Variants in CCDC30 observed in about 807,000 individuals in gnomAD.
CCDC30 encodes coiled-coil domain-containing protein 30.
CCDC30 carries 70 observed loss-of-function variants against 100.2 expected under a neutral mutation model. The ratio of observed to expected loss-of-function variants is 0.70; its 90% CI spans 0.58 to 0.85. The LOEUF (loss-of-function observed/expected upper bound fraction) is 0.85, where lower values mean the gene tolerates loss of function less well. CCDC30 is among the 40% of genes least tolerant of loss of function. The probability of loss-of-function intolerance (pLI) is 0.00; values close to 1 mark genes in which losing one functional copy is unlikely to be tolerated. For synonymous variants in CCDC30, 233 were observed against 269.5 expected (o/e 0.86, Z 1.33); for missense variants, 652 against 771.2 (o/e 0.85, Z 1.83).
In CCDC30 at chr1:42,556,321, G is replaced by T. The variant is rs748255703; in HGVS notation, c.457-9975G>T. On this transcript the variant is annotated intron_variant, in intron 6 of 16. Transcript: ENST00000668663. Reference sequence around the variant, plus strand: ...CCATGAAGCCTGAGGAAATTGTGAGGCTTAGAGAAGAGCTGAGCCATATAA... The same window carrying T: ...CCATGAAGCCTGAGGAAATTGTGAGTCTTAGAGAAGAGCTGAGCCATATAA... The T allele has an allele frequency of 5.0e-6, 8 of 1,613,916 alleles. No homozygotes were observed. The highest frequency in any genetic ancestry group is 1.6e-4 in the Middle Eastern group (1 of 6,084).
chr1:42,547,825 G>A (rs1399026356), intron 6 of CCDC30, among the ~76,000 whole-genome samples: 4 of 152,132 alleles, frequency 2.6e-5, no homozygotes, highest in Non-Finnish European at 4.4e-5. Flanking sequence ...GCACTGTAGG[G>A]AGGTACCGAA....
At chr1:42,461,657 C>T (rs916909951), upstream of CCDC30, among the ~76,000 whole-genome samples, 2 of 151,966 alleles carry the variant, frequency 1.3e-5, no homozygotes, top group East Asian at 1.9e-4. Flanking sequence ...CACCATTCTC[C>T]TTCCTCAGCC....
At chr1:42,646,681 T>C (rs1647910272) in intron 15 of CCDC30, among the ~76,000 whole-genome samples, 1 of 152,172 alleles carries the variant, frequency 6.6e-6, no homozygotes, top group African/African-American at 2.4e-5. Context: ...CAGCCTTCCC[T>C]CACTGCCAGG....
chr1:42,493,038 C>T (rs1007665341), intron 4 of CCDC30, among the ~76,000 whole-genome samples: 4 of 152,026 alleles, frequency 2.6e-5, no homozygotes, highest in Admixed American at 1.3e-4. Context: ...GAAAATGCAA[C>T]AATATCATCA....
chr1:42,576,561 T>C (rs1645841488), intron 7 of CCDC30, among the ~76,000 whole-genome samples: 1 of 152,220 alleles, frequency 6.6e-6, no homozygotes, highest in Non-Finnish European at 1.5e-5. Flanking sequence ...AAGTGTCCAA[T>C]AATACTCACA....
rs1169299129 is a variant in CCDC30 at position 42,581,804 on chromosome 1, C to G, written c.1001+290C>G. ...CAGTAAATATTCTTGACTGACTTGC[C>G]TATGAAATACTATGGAATTTGCTCT... On this transcript the variant is annotated intron_variant, in intron 9 of 16. Coordinates refer to ENST00000668663, the Ensembl canonical transcript of CCDC30. Among the ~76,000 whole-genome samples, 3 of 152,116 alleles carry G rather than the reference C, an allele frequency of 2.0e-5. No individual in the cohort carries two copies. In the East Asian group the frequency reaches 5.8e-4, roughly 29 times the overall value.
At chr1:42,488,025 G>T (rs1288452116) in intron 3 of CCDC30, among the ~76,000 whole-genome samples, 1 of 152,160 alleles carries the variant, frequency 6.6e-6, no homozygotes, top group East Asian at 1.9e-4. Context: ...ATATGTAAGG[G>T]TATAAGTGAA....
chr1:42,476,684 CCTT>C (rs1016428816), intron 1 of CCDC30, among the ~76,000 whole-genome samples: 2 of 144,166 alleles, frequency 1.4e-5, no homozygotes, highest in Admixed American at 7.0e-5. Context: ...GAGTGAAACT[CCTT>C]CTCAAAAAAA....
intron 6 of CCDC30, among the ~76,000 whole-genome samples, chr1:42,528,140 A>G (rs937250428): frequency 6.6e-6 from 1 of 152,210 alleles, no homozygotes; most frequent in Non-Finnish European, 1.5e-5. Context: ...TGCTGGGATT[A>G]CAGGCATGAG....
chr1:42,529,939 T>C (rs1377934687), intron 6 of CCDC30, among the ~76,000 whole-genome samples: 1 of 152,226 alleles, frequency 6.6e-6, no homozygotes, highest in Admixed American at 6.5e-5. Flanking sequence ...AAGCAACTCA[T>C]AAGTTTTAAG....
At chr1:42,510,139 T>G in intron 6 of CCDC30, 8 of 984,360 alleles carry the variant, frequency 8.1e-6, no homozygotes, top group Non-Finnish European at 9.7e-6. Flanking sequence ...TTTGAGGGTT[T>G]CAATTAGGGT....
chr1:42,473,951 AGAG>A (rs1478813329), intron 1 of CCDC30, among the ~76,000 whole-genome samples: 1 of 149,716 alleles, frequency 6.7e-6, no homozygotes, highest in Non-Finnish European at 1.5e-5. Flanking sequence ...CCTAGTGCTT[AGAG>A]GAGTAGATAA....
intron 6 of CCDC30, among the ~76,000 whole-genome samples, chr1:42,515,297 C>A (rs183236160): frequency 3.0e-4 from 45 of 151,952 alleles, no homozygotes; most frequent in Non-Finnish European, 5.9e-4. Context: ...AGGAATATGG[C>A]CCTACTAATA....
intron 11 of CCDC30, among the ~76,000 whole-genome samples, chr1:42,617,534 G>A (rs148017755): frequency 6.6e-6 from 1 of 152,194 alleles, no homozygotes; most frequent in Admixed American, 6.5e-5. Context: ...TGGGAGACGA[G>A]AGTTTTATTA....
intron 6 of CCDC30, among the ~76,000 whole-genome samples, chr1:42,532,671 A>G (rs1000962162): frequency 6.6e-6 from 1 of 152,238 alleles, no homozygotes. Context: ...AGGATTTTTC[A>G]GCAAAGCAAA....
chr1:42,578,589 C>G (rs1290124948), intron 8 of CCDC30, among the ~76,000 whole-genome samples: 4 of 152,052 alleles, frequency 2.6e-5, no homozygotes, highest in Admixed American at 2.6e-4. Flanking sequence ...AAAACTTAGA[C>G]AATACTAAAT....
chr1:42,463,282 G>C (rs1165150704), upstream of CCDC30: 2 of 152,262 alleles, frequency 1.3e-5, no homozygotes, highest in African/African-American at 4.8e-5. Flanking sequence ...CGGCGAGCGC[G>C]GTTGCTATGA....
At chr1:42,580,772 AT>A in intron 8 of CCDC30, 1 of 451,308 alleles carries the variant, frequency 2.2e-6, no homozygotes, top group Non-Finnish European at 4.4e-6. Flanking sequence ...CCTATTATTG[AT>A]GCTAAGCAAT....
Position 42,545,590 on chromosome 1 carries a change from A to G in CCDC30, c.457-20706A>G. 1 of 1,594,266 alleles carries G rather than the reference A, an allele frequency of 6.3e-7. No individual in the cohort carries two copies. The highest frequency in any genetic ancestry group is 8.5e-7 in the Non-Finnish European group (1 of 1,172,244). ...GACAGAGGAACTCTGGTAAATTGGG[A>G]AAATCCTATATCACATTAATTATTC... is the stretch of plus-strand genomic sequence containing the variant. On this transcript the variant is annotated intron_variant, in intron 6 of 16. Transcript: ENST00000668663.
Sources: gnomAD v4.1 joint callset for allele counts (sites outside exome capture counted in the v4.1 genomes callset) on GRCh38, gnomAD v4.1.1 for gene constraint, MANE v1.5 for transcripts, NCBI Gene and HGNC (gene_info 2026-07-23, HGNC 2026-07-21) for gene names.